Variants in APBA2 observed in about 807,000 individuals in gnomAD.
APBA2 encodes amyloid beta precursor protein binding family A member 2.
In APBA2, 30 loss-of-function variants were observed where a neutral mutation model predicts 75.0. The observed-to-expected ratio is 0.40, with a 90% confidence interval of 0.30 to 0.54. The LOEUF is 0.54. Ranked by LOEUF, APBA2 falls within the 20% of genes least tolerant of loss-of-function variation. The pLI is 0.49. For missense variants in APBA2, 801 were observed against 1,016.1 expected, an observed-to-expected ratio of 0.79 and a Z score of 2.88; for synonymous variants, 444 against 409.6, an observed-to-expected ratio of 1.08 and a Z score of -1.01.
At chr15:29,034,941 T>G (rs1348355962) in intron 3 of APBA2, among the ~76,000 whole-genome samples, 2 of 152,090 alleles carry the variant, frequency 1.3e-5, no homozygotes, top group Admixed American at 1.3e-4. Flanking sequence ...TGGCCATAGG[T>G]TTTTACATTA....
chr15:28,946,167 A>G (rs2035539933), intron 2 of APBA2, among the ~76,000 whole-genome samples: 1 of 152,232 alleles, frequency 6.6e-6, no homozygotes, highest in Non-Finnish European at 1.5e-5. Context: ...GGTAGACAGG[A>G]AAATGGTCTT....
At chr15:28,971,990 G>GA (rs1199885892) in intron 2 of APBA2, among the ~76,000 whole-genome samples, 1 of 152,090 alleles carries the variant, frequency 6.6e-6, no homozygotes, top group East Asian at 1.9e-4. Context: ...TTGCAAATGT[G>GA]AAAAAACACC....
intron 13 of APBA2, among the ~76,000 whole-genome samples, chr15:29,113,014 G>A (rs1224938656): frequency 6.6e-6 from 1 of 152,160 alleles, no homozygotes; most frequent in Non-Finnish European, 1.5e-5. Flanking sequence ...TGTCCGTGTT[G>A]TAGCACACTT....
At chr15:28,983,627 CCCCA>C (rs1490239461) in intron 2 of APBA2, among the ~76,000 whole-genome samples, 3 of 152,182 alleles carry the variant, frequency 2.0e-5, no homozygotes, top group Admixed American at 1.3e-4. Context: ...GGCTCATGGG[CCCCA>C]CCCACCCACC....
At chr15:28,986,320 C>T (rs746190122) in intron 2 of APBA2, among the ~76,000 whole-genome samples, 4 of 152,142 alleles carry the variant, frequency 2.6e-5, no homozygotes, top group Non-Finnish European at 5.9e-5. Flanking sequence ...ATGTGACAGA[C>T]AGCGTTTCCT....
intron 6 of APBA2, among the ~76,000 whole-genome samples, chr15:29,082,545 T>A (rs1198500639): frequency 1.3e-5 from 2 of 152,250 alleles, no homozygotes; most frequent in Non-Finnish European, 2.9e-5. Flanking sequence ...TGGGTGTTTC[T>A]TATTGATTTG....
intron 2 of APBA2, among the ~76,000 whole-genome samples, chr15:28,955,895 G>T (rs916873809): frequency 6.6e-6 from 1 of 152,202 alleles, no homozygotes; most frequent in Admixed American, 6.5e-5. Flanking sequence ...TCTGGCCCTC[G>T]GTTGCTTGCT....
chr15:29,117,117 C>A lies in APBA2; in HGVS notation c.2234C>A (p.Thr745Asn), dbSNP rs1380176337. Residue 745 changes from threonine to asparagine, a missense_variant, in exon 15 of 15, where the codon ACC becomes AAC. By Grantham distance (65) the Thr-to-Asn change is moderately conservative. Around this residue, in one of 2 missense-constraint regions of APBA2, gnomAD observed 367 missense variants for 544.5 expected, o/e 0.67. Coordinates refer to ENST00000683413, the MANE Select transcript of APBA2 (RefSeq NM_001353788.2). Reference sequence around the variant, plus strand: ...TTCAGGCTCCTCACGGGTCAGGAGACCCCGCTGTACATCTAGGCCACCCCA... The same window carrying A: ...TTCAGGCTCCTCACGGGTCAGGAGAACCCGCTGTACATCTAGGCCACCCCA... ...AMFRLLTGQE[T>N]PLYI 1.9e-6 allele frequency: 3 copies of A among 1,613,240 alleles called. No homozygotes were observed. The highest frequency in any genetic ancestry group is 1.7e-5 in the Admixed American group (1 of 60,020).
chr15:29,097,828 C>A, intron 8 of APBA2, among the ~76,000 whole-genome samples: 1 of 152,198 alleles, frequency 6.6e-6, no homozygotes, highest in East Asian at 1.9e-4. Flanking sequence ...TTTGCCCCAG[C>A]CCCTGATAAC....
intron 2 of APBA2, among the ~76,000 whole-genome samples, chr15:28,992,379 TC>T (rs1214145454): frequency 1.3e-5 from 2 of 152,114 alleles, no homozygotes; most frequent in African/African-American, 4.8e-5. Context: ...CATTCCAGAG[TC>T]CCTGGAAGCA....
chr15:29,058,975 C>T (rs2042019993), intron 4 of APBA2, among the ~76,000 whole-genome samples: 1 of 152,150 alleles, frequency 6.6e-6, no homozygotes, highest in Non-Finnish European at 1.5e-5. Context: ...CCTTACTATT[C>T]ATGGATTTGA....
intron 2 of APBA2, among the ~76,000 whole-genome samples, chr15:28,930,036 A>G (rs980957565): frequency 6.6e-5 from 10 of 152,270 alleles, no homozygotes; most frequent in African/African-American, 2.4e-4. Context: ...TCGCATCTCT[A>G]TAAAAACAGG....
At chr15:28,924,104 G>T (rs972929120) in intron 2 of APBA2, among the ~76,000 whole-genome samples, 43 of 152,168 alleles carry the variant, frequency 2.8e-4, no homozygotes, top group African/African-American at 1.0e-3. Context: ...CACGAGGACA[G>T]ACTCAACACA....
chr15:29,072,743 T>A (rs1340594198), intron 4 of APBA2, among the ~76,000 whole-genome samples: 1 of 151,970 alleles, frequency 6.6e-6, no homozygotes. Flanking sequence ...GGGCCTTTGG[T>A]CATGCCAGGA....
At chr15:29,033,559 CTTAAA>C (rs1202652552) in intron 3 of APBA2, among the ~76,000 whole-genome samples, 1 of 152,078 alleles carries the variant, frequency 6.6e-6, no homozygotes, top group African/African-American at 2.4e-5. Context: ...CATGACCAGT[CTTAAA>C]TTAGATAATT....
intron 6 of APBA2, among the ~76,000 whole-genome samples, chr15:29,088,602 C>A (rs2043403146): frequency 6.6e-6 from 1 of 152,248 alleles, no homozygotes; most frequent in African/African-American, 2.4e-5. Flanking sequence ...CGTTGTCACC[C>A]TGTCCGTACC....
chr15:28,948,931 T>C (rs1358803091), intron 2 of APBA2, among the ~76,000 whole-genome samples: 3 of 131,696 alleles, frequency 2.3e-5, no homozygotes, highest in Non-Finnish European at 3.2e-5. Flanking sequence ...CGTCCAAGGC[T>C]GCAGAGTTGT....
chr15:28,937,269 G>GC (rs764487683), intron 2 of APBA2, among the ~76,000 whole-genome samples: 57 of 152,320 alleles, frequency 3.7e-4, no homozygotes, highest in South Asian at 6.2e-4. Flanking sequence ...TTCCTTGTGG[G>GC]CCGGGGGTGC....
intron 8 of APBA2, among the ~76,000 whole-genome samples, chr15:29,097,808 C>T (rs890676495): frequency 2.6e-5 from 4 of 152,182 alleles, no homozygotes; most frequent in African/African-American, 4.8e-5. Context: ...AATACTTCCC[C>T]CTTCACTCCT....
Sources: gnomAD v4.1 joint callset for allele counts (sites outside exome capture counted in the v4.1 genomes callset) on GRCh38, gnomAD v4.1.1 for gene constraint, gnomAD v4.1.1 regional missense constraint, MANE v1.5 for transcripts, NCBI Gene and HGNC (gene_info 2026-07-23, HGNC 2026-07-21) for gene names.